The following MIGA2 variants were observed in gnomAD, a reference collection of about 807,000 sequenced individuals.
MIGA2 encodes the protein family with sequence similarity 73, member B.
A neutral mutation model predicts 69.9 loss-of-function variants in MIGA2; 36 were observed. That is an observed-to-expected ratio of 0.52 (90% CI 0.39 to 0.68). MIGA2 has a LOEUF of 0.68. Ranked by LOEUF, MIGA2 falls within the 30% of genes least tolerant of loss-of-function variation. The pLI, the probability that MIGA2 is intolerant of heterozygous loss-of-function variation, is 0.00. For missense variants in MIGA2, 660 were observed against 787.7 expected, an observed-to-expected ratio of 0.84 and a Z score of 1.94; for synonymous variants, 333 against 349.2, an observed-to-expected ratio of 0.95 and a Z score of 0.52.
chr9:129,038,884 C>T lies in MIGA2; in HGVS notation c.-143-1568C>T, dbSNP rs189984270. 2.7e-4 allele frequency among the ~76,000 whole-genome samples: 41 copies of T among 149,300 alleles called. 1 individual carries two copies. The East Asian group carries it at 8.1e-3, about 30-fold the overall frequency. On this transcript the variant is annotated intron_variant, in intron 1 of 15. Transcript: ENST00000684074. The stretch of plus-strand genomic sequence containing the variant: ...GATCTAGGCTCACTGCAACCTCTGC[C>T]TCCTGGATTCAGGCGATTCTCCTGC...
chr9:129,067,721 G>A (rs1846435449), intron 11 of MIGA2, 52 bp from the exon 12 acceptor site: 1 of 1,528,562 alleles, frequency 6.5e-7, no homozygotes, highest in South Asian at 1.2e-5. Flanking sequence ...AGGCCAGCCT[G>A]TCCCTGTGGG....
chr9:129,049,871 C>A lies in MIGA2; in HGVS notation c.583C>A (p.Leu195Ile). 6.2e-7 allele frequency: 1 copy of A among 1,614,008 alleles called. No individual in the cohort carries two copies. The highest frequency in any genetic ancestry group is 1.1e-5 in the South Asian group (1 of 91,086). The change falls in exon 6 of 16, where the codon CTA becomes ATA. Residue 195 changes from leucine (L) to isoleucine (I), a missense_variant. Leu to Ile is a conservative substitution (Grantham distance 5). Around this residue, in one of 3 missense-constraint regions of MIGA2, gnomAD observed 386 missense variants for 402.0 expected, o/e 0.96. Coordinates refer to ENST00000684074, the MANE Select transcript of MIGA2 (RefSeq NM_001329990.2). ...AGCTCTGCAGAAGTGGGAGCAGGCA[C>A]TAAGCGTGGGCCAGCGGGGGGACAG... ...EEALQKWEQA[L>I]SVGQRGDSGS...
intron 3 of MIGA2, among the ~76,000 whole-genome samples, chr9:129,046,876 T>G (rs76510991): frequency 1.3e-3 from 191 of 152,138 alleles, no homozygotes; most frequent in African/African-American, 4.4e-3. Flanking sequence ...CCTCCCAGGA[T>G]CAAGCGATTC....
In MIGA2 at chr9:129,063,636, C is replaced by CGGGGG; in HGVS notation, c.1170+5_1170+6insGGGGG. 14 of 599,802 alleles carry CGGGGG rather than the reference C, an allele frequency of 2.3e-5. No individual in the cohort carries two copies. Among genetic ancestry groups the CGGGGG allele is most frequent in the East Asian group, 5.0e-5 (1 of 19,806 alleles). The allele number at this position is 599,802 out of a possible 1,614,324, so 37.2% of individuals were successfully genotyped here. On this transcript the variant is annotated splice_donor_region_variant and intron_variant, in intron 11 of 15. Transcript: ENST00000684074. Reference sequence around the variant, plus strand: ...CTGATGACCAAGGCTGAGAAGGTAGCAGGGGGTGGGGTGGGGGGGCAAATT... The same window carrying CGGGGG: ...CTGATGACCAAGGCTGAGAAGGTAGCGGGGGAGGGGGTGGGGTGGGGGGGCAAATT...
intron 11 of MIGA2, 75 bp from the exon 12 acceptor site, chr9:129,067,698 G>A (rs1846434217): frequency 9.3e-6 from 13 of 1,396,508 alleles, no homozygotes; most frequent in Admixed American, 6.1e-5. Flanking sequence ...GCCTTGGCAT[G>A]TCCCCCATCC....
rs769893314 is a variant in MIGA2, at chr9:129,048,550, G to A, written c.420+11G>A. ...CACAGTGTGGCCTCGGTGAGCAGCA[G>A]GTGCCAGGGCTCCAGGGCTCCAGGT... On this transcript the variant is annotated intron_variant, in intron 4 of 15. Coordinates refer to ENST00000684074, the MANE Select transcript of MIGA2 (RefSeq NM_001329990.2). 2 of 1,611,164 alleles carry A rather than the reference G, an allele frequency of 1.2e-6. No homozygotes were observed. Among genetic ancestry groups the A allele is most frequent in the East Asian group, 4.5e-5 (2 of 44,852 alleles).
At chr9:129,053,715 G>A (rs1423821465) in intron 6 of MIGA2, among the ~76,000 whole-genome samples, 2 of 152,202 alleles carry the variant, frequency 1.3e-5, no homozygotes, top group Non-Finnish European at 2.9e-5. Flanking sequence ...GCTGGGCACA[G>A]TGGCTTACAC....
At position 129,040,400 on chromosome 9, in the gene MIGA2, G is replaced by A; in HGVS notation, c.-143-52G>A. 4.7e-6 allele frequency: 6 copies of A among 1,286,078 alleles called. No homozygotes were observed. The South Asian group carries it at 1.0e-4, about 21-fold the overall frequency. 79.7% of individuals were successfully genotyped at this position (1,286,078 alleles called of 1,614,324 possible). ...GGACGCTCTTCTTGAGTGCATTTCT[G>A]CATGTTCCCGTGTGCACGTTCTCTT... is the stretch of plus-strand genomic sequence containing the variant. On this transcript the variant is annotated intron_variant, in intron 1 of 15. Transcript: ENST00000684074.
chr9:129,049,864 G>C lies in MIGA2; in HGVS notation c.576G>C (p.Glu192Asp). 1.2e-6 allele frequency: 2 copies of C among 1,614,054 alleles called. No individual in the cohort carries two copies. The highest frequency in any genetic ancestry group is 1.7e-6 in the Non-Finnish European group (2 of 1,180,048). The change falls in exon 6 of 16, where the codon GAG becomes GAC. Residue 192 changes from glutamate (E) to aspartate (D), a missense_variant. Glu to Asp is a conservative substitution (Grantham distance 45). Transcript: ENST00000684074. ...ELFEEALQKW[E>D]QALSVGQRGD... ...TTGAGGAAGCTCTGCAGAAGTGGGA[G>C]CAGGCACTAAGCGTGGGCCAGCGGG...
Position 129,061,226 on chromosome 9 carries a change from C to G in MIGA2, c.895-5C>G. ...CCTGGTCTCTTCCTCTGCACCCTCT[C>G]CCAGCTCTTTGAGTCCCTGCAGACT... is the stretch of plus-strand genomic sequence containing the variant. On this transcript the variant is annotated splice_polypyrimidine_tract_variant and splice_region_variant and intron_variant, in intron 8 of 15. Coordinates refer to ENST00000684074, the MANE Select transcript of MIGA2 (RefSeq NM_001329990.2). This position sits in a 1 kb window ranked among gnomAD's most constrained non-coding sequence, Gnocchi z 5.0. 6.2e-7 allele frequency: 1 copy of G among 1,608,410 alleles called. No individual in the cohort carries two copies. Among genetic ancestry groups the G allele is most frequent in the Non-Finnish European group, 8.5e-7 (1 of 1,177,748 alleles).
At chr9:129,048,343 G>T in intron 3 of MIGA2, 84 bp from the exon 4 acceptor site, 3 of 1,115,876 alleles carry the variant, frequency 2.7e-6, no homozygotes, top group Non-Finnish European at 4.1e-6. Flanking sequence ...TGAGGAAGAA[G>T]GGGAAGGTGG....
At chr9:129,054,626 T>G (rs1301249815) in intron 6 of MIGA2, among the ~76,000 whole-genome samples, 1 of 152,260 alleles carries the variant, frequency 6.6e-6, no homozygotes, top group Non-Finnish European at 1.5e-5. Flanking sequence ...TGTGGCCTTT[T>G]GCGACTGCCT....
At chr9:129,049,685 C>T in intron 5 of MIGA2, 142 bp from the exon 6 acceptor site, 7 of 1,381,492 alleles carry the variant, frequency 5.1e-6, no homozygotes, top group Non-Finnish European at 7.1e-6. Flanking sequence ...GAAAGAAGGC[C>T]TGGAACCTGA....
chr9:129,070,393 C>T lies in MIGA2; in HGVS notation c.1722C>T (p.Ser574=). The change falls in exon 16 of 16, where the codon AGC becomes AGT. Residue 574 remains serine, a synonymous_variant. Coordinates refer to ENST00000684074, the MANE Select transcript of MIGA2 (RefSeq NM_001329990.2). ...GGTACCTGGGGGTGCCCGCGGCCAG[C>T]AGCGCAGGCGTGAATGGGGCGCTGC... is the stretch of plus-strand genomic sequence containing the variant. ...LLGYLGVPAA[S]SAGVNGALPR... 2.1e-5 allele frequency: 34 copies of T among 1,611,570 alleles called. No homozygotes were observed. The highest frequency in any genetic ancestry group is 2.9e-5 in the Non-Finnish European group (34 of 1,179,310).
chr9:129,048,788 C>T (rs1033297724), intron 4 of MIGA2, among the ~76,000 whole-genome samples: 4 of 152,152 alleles, frequency 2.6e-5, no homozygotes, highest in African/African-American at 7.2e-5. Context: ...TGTGAAAGTG[C>T]AGGTTATTCA....
At chr9:129,064,369 G>A (rs1417790859) in intron 11 of MIGA2, among the ~76,000 whole-genome samples, 1 of 151,974 alleles carries the variant, frequency 6.6e-6, no homozygotes, top group Non-Finnish European at 1.5e-5. Flanking sequence ...ACCGTGCCCG[G>A]CTAATTTTTT....
At chr9:129,040,980 C>T (rs1023390689) in intron 2 of MIGA2, among the ~76,000 whole-genome samples, 29 of 152,116 alleles carry the variant, frequency 1.9e-4, no homozygotes, top group African/African-American at 7.0e-4. Flanking sequence ...CACCTGAGGT[C>T]AGGAGTTCAA....
Position 129,067,802 on chromosome 9 carries a change from G to A in MIGA2, c.1200G>A (p.Glu400=), listed in dbSNP as rs200646327. ...CCAAAGGCTTCCTGGAGAGCTACGA[G>A]GAGATGCTGAGCTATGCCCTGCGGC... ...KSPKGFLESY[E]EMLSYALRPE... The change falls in exon 12 of 16, where the codon GAG becomes GAA. Residue 400 remains glutamate (E), a synonymous_variant. Coordinates refer to ENST00000684074, the MANE Select transcript of MIGA2 (RefSeq NM_001329990.2). The A allele has an allele frequency of 1.2e-6, 2 of 1,613,140 alleles. No homozygotes were observed. The highest frequency in any genetic ancestry group is 4.5e-5 in the East Asian group (2 of 44,888).
Position 129,040,657 on chromosome 9 carries a change from G to C in MIGA2, c.63G>C (p.Glu21Asp), listed in dbSNP as rs1317877298. ...AGGCCCTGGCCATGACGGTGGCCGAGATCCCCGTGTTCCTGTACACGACGT... is the reference window on the plus strand; with the variant it reads ...AGGCCCTGGCCATGACGGTGGCCGACATCCCCGTGTTCCTGTACACGACGT... ...MIQALAMTVA[E>D]IPVFLYTTFG... is the part of the protein sequence containing the mutation. Residue 21 changes from glutamate (E) to aspartate (D), a missense_variant, in exon 2 of 16, where the codon GAG becomes GAC. Transcript: ENST00000684074. 1.2e-6 allele frequency: 2 copies of C among 1,613,978 alleles called. No individual in the cohort carries two copies. Among genetic ancestry groups the C allele is most frequent in the Admixed American group, 1.7e-5 (1 of 60,022 alleles).
Sources: gnomAD v4.1 joint callset for allele counts (sites outside exome capture counted in the v4.1 genomes callset) on GRCh38, gnomAD v4.1.1 for gene constraint, gnomAD v4.1.1 regional missense constraint, Gnocchi (gnomAD v3.1) non-coding constraint, MANE v1.5 for transcripts, NCBI Gene and HGNC (gene_info 2026-07-23, HGNC 2026-07-21) for gene names.